The following PNPT1 variants were observed in gnomAD, a reference collection of about 807,000 sequenced individuals.
PNPT1 encodes the protein polyribonucleotide nucleotidyltransferase 1, also known as polyribonucleotide nucleotidyltransferase 1, mitochondrial.
A neutral mutation model predicts 119.5 loss-of-function variants in PNPT1; 53 were observed. That is an observed-to-expected ratio of 0.44 (90% CI 0.36 to 0.56). The LOEUF (loss-of-function observed/expected upper bound fraction) is 0.56. Among genes scored for constraint, PNPT1 ranks in the 20% least tolerant of loss-of-function variants. The pLI is 0.00. For missense variants in PNPT1, 948 were observed against 938.5 expected (o/e 1.01, Z -0.13); for synonymous variants, 357 against 322.1 (o/e 1.11, Z -1.16).
chr2:55,687,234 G>T (rs1317541789), intron 2 of PNPT1, among the ~76,000 whole-genome samples: 1 of 131,622 alleles, frequency 7.6e-6, no homozygotes, highest in Non-Finnish European at 1.6e-5. Context: ...AAAAAAAAGA[G>T]ATCGAGACCA....
chr2:55,642,523 G>C (rs542187330), intron 25 of PNPT1, among the ~76,000 whole-genome samples: 93 of 148,568 alleles, frequency 6.3e-4, no homozygotes, highest in African/African-American at 1.9e-3. Context: ...GCAGAATGGC[G>C]TGAACCCGGG....
intron 4 of PNPT1, 40 bp from the exon 5 acceptor site, chr2:55,683,874 G>A: frequency 2.5e-6 from 4 of 1,595,024 alleles, no homozygotes; most frequent in Non-Finnish European, 3.4e-6. Context: ...CGTACTGACA[G>A]AGTTGCTTTA....
chr2:55,653,325 CA>C (rs1305919170), intron 18 of PNPT1, among the ~76,000 whole-genome samples: 1 of 152,178 alleles, frequency 6.6e-6, no homozygotes, highest in Non-Finnish European at 1.5e-5. Context: ...CAATGACTGC[CA>C]TCATACTTCA....
intron 8 of PNPT1, among the ~76,000 whole-genome samples, chr2:55,679,369 C>T (rs1420163440): frequency 6.6e-6 from 1 of 151,744 alleles, no homozygotes; most frequent in Non-Finnish European, 1.5e-5. Flanking sequence ...ACTTATTAGT[C>T]TAAACATAAT....
chr2:55,690,315 G>A (rs1697550041), intron 1 of PNPT1, among the ~76,000 whole-genome samples: 1 of 148,786 alleles, frequency 6.7e-6, no homozygotes, highest in East Asian at 2.0e-4. Context: ...AAGGTGTTTT[G>A]AGATGAAACC....
intron 4 of PNPT1, 79 bp downstream of exon 4, chr2:55,684,864 T>C: frequency 1.5e-6 from 2 of 1,368,318 alleles, no homozygotes; most frequent in Non-Finnish European, 1.9e-6. Flanking sequence ...TAAGACTTAT[T>C]GTAGAACACA....
At chr2:55,654,015 T>A (rs1377969398) in intron 18 of PNPT1, among the ~76,000 whole-genome samples, 1 of 152,054 alleles carries the variant, frequency 6.6e-6, no homozygotes, top group Non-Finnish European at 1.5e-5. Flanking sequence ...TCCCAGCACT[T>A]TGGGAGGGCA....
At position 55,635,636 on chromosome 2, in the gene PNPT1, A is replaced by T. The variant is rs556732345; in HGVS notation, c.*601T>A. ...TACTACCACATTCATCCTAGTTAGA[A>T]TCTCATTTATATTTATTCCACTCTG... On this transcript the variant is annotated 3_prime_UTR_variant, in exon 28 of 28. Transcript: ENST00000447944. 32 of 151,752 alleles carry T rather than the reference A, an allele frequency of 2.1e-4. No homozygotes were observed. Among genetic ancestry groups the T allele is most frequent in the African/African-American group, 6.8e-4 (28 of 41,416 alleles). The allele number at this position is 151,752 out of a possible 1,614,324, so 9.4% of individuals were successfully genotyped here.
chr2:55,654,893 C>A lies in PNPT1; in HGVS notation c.1495+7G>T. On this transcript the variant is annotated splice_region_variant and intron_variant, in intron 18 of 27. Coordinates refer to ENST00000447944, the MANE Select transcript of PNPT1 (RefSeq NM_033109.5). ...ATATCAGCAGTTTTGAGACATAATTCTTTTACCTGAATCCATTAATGCTAA... is the reference window on the plus strand; with the variant it reads ...ATATCAGCAGTTTTGAGACATAATTATTTTACCTGAATCCATTAATGCTAA... 1.2e-6 allele frequency: 2 copies of A among 1,612,254 alleles called. No homozygotes were observed. The highest frequency in any genetic ancestry group is 8.5e-7 in the Non-Finnish European group (1 of 1,178,916).
chr2:55,655,203 A>G (rs1696346993), intron 17 of PNPT1, among the ~76,000 whole-genome samples: 1 of 152,224 alleles, frequency 6.6e-6, no homozygotes, highest in African/African-American at 2.4e-5. Context: ...TTCTTCAACT[A>G]GATAGGACAG....
intron 1 of PNPT1, among the ~76,000 whole-genome samples, chr2:55,691,863 TA>T (rs1559116561): frequency 0.032 from 1,079 of 34,000 alleles, 32 homozygotes; most frequent in Admixed American, 0.12. Flanking sequence ...TATATATATA[TA>T]TATATATATA....
rs1303812368 is a variant in PNPT1 at position 55,687,661 on chromosome 2, C to T, written c.206G>A (p.Gly69Asp). Residue 69 changes from glycine to aspartate, a missense_variant, in exon 2 of 28, where the codon GGC becomes GAC. Coordinates refer to ENST00000447944, the MANE Select transcript of PNPT1 (RefSeq NM_033109.5). ...ACTTTTTACCTGTACTACAGCAGAG[C>T]CATCTGCAAATCTGGCCAGCTTTCC... is the stretch of plus-strand genomic sequence containing the variant. ...SSGKLARFAD[G>D]SAVVQSGDTA... 4.4e-6 allele frequency: 7 copies of T among 1,597,610 alleles called. No homozygotes were observed. Among genetic ancestry groups the T allele is most frequent in the Non-Finnish European group, 6.0e-6 (7 of 1,174,800 alleles).
chr2:55,655,028 C>A (rs1212704343), intron 17 of PNPT1, 75 bp from the exon 18 acceptor site: 3 of 1,308,164 alleles, frequency 2.3e-6, no homozygotes, highest in Admixed American at 3.9e-5. Context: ...TTGGTTATTT[C>A]CTTATAAATA....
chr2:55,656,278 G>GAGTTTACAGGTAT, intron 16 of PNPT1, 27 bp downstream of exon 16: 1 of 1,610,118 alleles, frequency 6.2e-7, no homozygotes, highest in South Asian at 1.1e-5. Context: ...TAAGAATACC[G>GAGTTTACAGGTAT]TATTAAGTTT....
chr2:55,648,214 G>A (rs780998921), intron 18 of PNPT1, among the ~76,000 whole-genome samples: 11 of 152,050 alleles, frequency 7.2e-5, no homozygotes, highest in Non-Finnish European at 1.5e-4. Flanking sequence ...TACTCGTGGC[G>A]GCAGACTGTA....
At chr2:55,684,533 A>G (rs1329445856) in intron 4 of PNPT1, among the ~76,000 whole-genome samples, 7 of 152,258 alleles carry the variant, frequency 4.6e-5, no homozygotes, top group Admixed American at 3.9e-4. Flanking sequence ...GGGATGTTAA[A>G]GATTTGAAAG....
At chr2:55,652,362 T>C (rs1046569906) in intron 18 of PNPT1, among the ~76,000 whole-genome samples, 2 of 152,222 alleles carry the variant, frequency 1.3e-5, no homozygotes, top group African/African-American at 2.4e-5. Flanking sequence ...TTATCAAATT[T>C]AATTTTTTTG....
intron 11 of PNPT1, among the ~76,000 whole-genome samples, chr2:55,671,067 G>A (rs753696559): frequency 2.0e-5 from 3 of 152,010 alleles, no homozygotes; most frequent in South Asian, 2.1e-4. Context: ...CTCTTTCCCC[G>A]AAACAGTTCG....
At chr2:55,691,180 T>TACTG (rs986596408) in intron 1 of PNPT1, among the ~76,000 whole-genome samples, 5 of 152,370 alleles carry the variant, frequency 3.3e-5, no homozygotes, top group African/African-American at 1.2e-4. Context: ...CTAACGGGGC[T>TACTG]ACTGCCTTAG....
Sources: gnomAD v4.1 joint callset for allele counts (sites outside exome capture counted in the v4.1 genomes callset) on GRCh38, gnomAD v4.1.1 for gene constraint, MANE v1.5 for transcripts, NCBI Gene and HGNC (gene_info 2026-07-23, HGNC 2026-07-21) for gene names.